The following ELP3 variants were observed in gnomAD, a reference collection of about 807,000 sequenced individuals.
The protein encoded by ELP3 is elongator complex protein 3.
In ELP3, 56 loss-of-function variants were observed where a neutral mutation model predicts 74.9. The observed-to-expected ratio is 0.75, with a 90% CI of 0.60 to 0.93. The LOEUF is 0.93. ELP3 is among the 40% of genes least tolerant of loss of function. ELP3 has a pLI of 0.00. For synonymous variants in ELP3, 222 were observed against 239.8 expected, an observed-to-expected ratio of 0.93 and a Z score of 0.68; for missense variants, 573 against 686.5, an observed-to-expected ratio of 0.83 and a Z score of 1.85.
chr8:28,099,696 A>G, intron 2 of ELP3, 132 bp from the exon 3 acceptor site: 1 of 1,021,216 alleles, frequency 9.8e-7, no homozygotes, highest in Non-Finnish European at 1.5e-6. Flanking sequence ...CACAGATCTT[A>G]AAACTATCCT....
intron 10 of ELP3, among the ~76,000 whole-genome samples, chr8:28,143,919 A>T (rs991114730): frequency 3.3e-5 from 5 of 152,224 alleles, no homozygotes; most frequent in African/African-American, 1.2e-4. Context: ...TTCCAAAGGG[A>T]TTATACCAGT....
intron 10 of ELP3, among the ~76,000 whole-genome samples, chr8:28,149,563 C>G (rs558639946): frequency 1.5e-3 from 221 of 152,276 alleles, no homozygotes; most frequent in South Asian, 5.0e-3. Context: ...TCCATCCTCT[C>G]CTTTTTGTTA....
At chr8:28,107,051 G>A (rs1008834308) in intron 4 of ELP3, among the ~76,000 whole-genome samples, 2 of 152,058 alleles carry the variant, frequency 1.3e-5, no homozygotes, top group African/African-American at 2.4e-5. Flanking sequence ...GAGTTAAGAC[G>A]AGCCTGGCCA....
At chr8:28,110,504 C>T in intron 6 of ELP3, 66 bp downstream of exon 6, 3 of 1,310,756 alleles carry the variant, frequency 2.3e-6, no homozygotes, top group Middle Eastern at 1.9e-4. Flanking sequence ...GCCATTGTTG[C>T]TTGATTCAAA....
upstream of ELP3, among the ~76,000 whole-genome samples, chr8:28,091,665 C>G (rs1811057990): frequency 1.3e-5 from 2 of 152,174 alleles, no homozygotes; most frequent in African/African-American, 2.4e-5. Flanking sequence ...ATCCCAAGTC[C>G]TGCCTCCAAA....
At chr8:28,180,890 C>T (rs1479932312) in intron 14 of ELP3, among the ~76,000 whole-genome samples, 1 of 152,168 alleles carries the variant, frequency 6.6e-6, no homozygotes, top group South Asian at 2.1e-4. Flanking sequence ...TGTTGCATCT[C>T]CTTGAGCCTC....
intron 7 of ELP3, among the ~76,000 whole-genome samples, chr8:28,121,617 G>T (rs1416152335): frequency 6.6e-6 from 1 of 151,996 alleles, no homozygotes; most frequent in Non-Finnish European, 1.5e-5. Flanking sequence ...ACCACGCCCG[G>T]CCATAAATTT....
At position 28,106,858 on chromosome 8, in the gene ELP3, G is replaced by A; in HGVS notation, c.329+75G>A. The A allele has an allele frequency of 3.8e-6, 4 of 1,052,718 alleles. No homozygotes were observed. The South Asian group carries it at 5.4e-5, about 14-fold the overall frequency. 65.2% of individuals were successfully genotyped at this position (1,052,718 alleles called of 1,614,324 possible). A position where few individuals can be genotyped will look rare whatever the true frequency, so the allele number is the denominator to read the frequency against. ...ATATGCCCCCTCTAGCCCTTAGTCA[G>A]TACATCCTGGTAATGTTTAAAACTT... On this transcript the variant is annotated intron_variant, in intron 4 of 14. Transcript: ENST00000256398.
At chr8:28,133,262 C>G (rs775523972) in intron 9 of ELP3, among the ~76,000 whole-genome samples, 18 of 152,038 alleles carry the variant, frequency 1.2e-4, no homozygotes, top group Admixed American at 2.0e-4. Flanking sequence ...TTTTTATCCT[C>G]TGACTCATTA....
chr8:28,125,078 T>G (rs1357922876), intron 7 of ELP3, among the ~76,000 whole-genome samples: 1 of 152,190 alleles, frequency 6.6e-6, no homozygotes, highest in East Asian at 1.9e-4. Flanking sequence ...TTGAGGTATT[T>G]TCAAGATAGG....
At chr8:28,108,462 T>TC (rs1452958052) in intron 5 of ELP3, among the ~76,000 whole-genome samples, 2 of 146,304 alleles carry the variant, frequency 1.4e-5, no homozygotes, top group Non-Finnish European at 3.0e-5. Flanking sequence ...TTTTTCTTTT[T>TC]TTTTTTTTTT....
chr8:28,129,668 G>C lies in ELP3; in HGVS notation c.779+5G>C. ...TGTGGCTAGAGACACCAACAGGTAA[G>C]ATGGTGGCAGGTGATCTTGCACAAG... On this transcript the variant is annotated splice_donor_5th_base_variant and intron_variant, in intron 8 of 14. Coordinates refer to ENST00000256398, the MANE Select transcript of ELP3 (RefSeq NM_018091.6). 6.2e-7 allele frequency: 1 copy of C among 1,613,880 alleles called. No homozygotes were observed.
intron 10 of ELP3, among the ~76,000 whole-genome samples, chr8:28,148,822 A>G (rs552980380): frequency 1.3e-5 from 2 of 152,308 alleles, no homozygotes; most frequent in South Asian, 4.1e-4. Flanking sequence ...TTTTGCATCT[A>G]TGTTCATGAG....
rs144799945 is a variant in ELP3, at chr8:28,114,875, C to A, written c.617+1702C>A. ...TGGTTAACAGGTAGGGTCATTCCGG[C>A]TACTGTCTGGCTAATGGATTAGAGG... is the stretch of plus-strand genomic sequence containing the variant. On this transcript the variant is annotated intron_variant, in intron 7 of 14. Coordinates refer to ENST00000256398, the MANE Select transcript of ELP3 (RefSeq NM_018091.6). Among the ~76,000 whole-genome samples the A allele has an allele frequency of 7.9e-4, 120 of 152,282 alleles. 1 individual carries two copies. In the East Asian group the frequency reaches 0.018, roughly 23 times the overall value.
At position 28,190,027 on chromosome 8, in the gene ELP3, G is replaced by A. The variant is rs1815397974; in HGVS notation, c.*302G>A. ...GGTGGCCTATTTTGACTCAGACGGT[G>A]AAAAAAGCAAATTAACTCATTTGGA... On this transcript the variant is annotated 3_prime_UTR_variant, in exon 15 of 15. Coordinates refer to ENST00000256398, the MANE Select transcript of ELP3 (RefSeq NM_018091.6). The A allele has an allele frequency of 1.1e-5, 3 of 274,680 alleles. No homozygotes were observed. Among genetic ancestry groups the A allele is most frequent in the South Asian group, 6.9e-5 (1 of 14,406 alleles). The allele number at this position is 274,680 out of a possible 1,614,324, so 17.0% of individuals were successfully genotyped here. A position where few individuals can be genotyped will look rare whatever the true frequency, so the allele number is the denominator to read the frequency against.
intron 14 of ELP3, among the ~76,000 whole-genome samples, chr8:28,175,181 C>T (rs2130591196): frequency 6.6e-6 from 1 of 152,256 alleles, no homozygotes; most frequent in Middle Eastern, 3.4e-3. Context: ...TCATGTCTTT[C>T]AACAAATTTG....
upstream of ELP3, among the ~76,000 whole-genome samples, chr8:28,091,720 C>G (rs1447736149): frequency 2.0e-5 from 3 of 152,128 alleles, no homozygotes; most frequent in Non-Finnish European, 4.4e-5. Flanking sequence ...AGAACGTAAA[C>G]CAAACAGTGT....
At chr8:28,119,046 T>C (rs1168191811) in intron 7 of ELP3, 2 of 152,208 alleles carry the variant, frequency 1.3e-5, no homozygotes, top group East Asian at 3.9e-4. Context: ...GACCTGAGAG[T>C]GAGTGACTGT....
At chr8:28,118,015 A>G (rs1028701402) in intron 7 of ELP3, among the ~76,000 whole-genome samples, 3 of 152,200 alleles carry the variant, frequency 2.0e-5, no homozygotes, top group Admixed American at 6.5e-5. Flanking sequence ...CCCAGAGTCT[A>G]TGAGTGAAAA....
Sources: gnomAD v4.1 joint callset for allele counts (sites outside exome capture counted in the v4.1 genomes callset) on GRCh38, gnomAD v4.1.1 for gene constraint, MANE v1.5 for transcripts, NCBI Gene and HGNC (gene_info 2026-07-23, HGNC 2026-07-21) for gene names.